Variants in RIMBP2 observed in about 807,000 individuals in gnomAD.
RIMBP2 encodes RIMS binding protein 2.
RIMBP2 carries 48 observed loss-of-function variants against 118.6 expected under a neutral mutation model. The observed-to-expected ratio is 0.40, with a 90% confidence interval of 0.32 to 0.51. RIMBP2 has a LOEUF of 0.51. Among genes scored for constraint, RIMBP2 ranks in the 20% least tolerant of loss-of-function variants. The probability of loss-of-function intolerance (pLI) is 0.41; values close to 1 mark genes in which losing one functional copy is unlikely to be tolerated. For missense variants in RIMBP2, 1,551 were observed against 1,768.3 expected (o/e 0.88, Z 2.20); for synonymous variants, 762 against 742.9 (o/e 1.03, Z -0.42).
At chr12:130,696,504 A>G (rs528027579) in intron 1 of RIMBP2, among the ~76,000 whole-genome samples, 3 of 152,376 alleles carry the variant, frequency 2.0e-5, no homozygotes, top group Admixed American at 2.0e-4. Flanking sequence ...TTAAATGTAA[A>G]GTAACAATTA....
chr12:130,450,345 C>T lies in RIMBP2; in HGVS notation c.505-69G>A, dbSNP rs1036694402. The T allele has an allele frequency of 5.0e-5, 61 of 1,216,824 alleles. No individual in the cohort carries two copies. Among genetic ancestry groups the T allele is most frequent in the South Asian group, 1.0e-4 (8 of 78,138 alleles). The allele number at this position is 1,216,824 out of a possible 1,614,324, so 75.4% of individuals were successfully genotyped here. A position where few individuals can be genotyped will look rare whatever the true frequency, so the allele number is the denominator to read the frequency against. ...TGTCCCACCCCATTCCCGCGGCACA[C>T]GGGAAAGCCCCTCGCAGCTTCCTGG... On this transcript the variant is annotated intron_variant, in intron 8 of 22. Transcript: ENST00000690449. This position sits in a 1 kb window ranked among gnomAD's most constrained non-coding sequence, Gnocchi z 4.8.
intron 21 of RIMBP2, among the ~76,000 whole-genome samples, chr12:130,404,547 G>T (rs910384524): frequency 2.6e-5 from 4 of 152,134 alleles, no homozygotes; most frequent in Admixed American, 6.5e-5. Flanking sequence ...TGATCAGCAC[G>T]CCTCAGCCTC....
In RIMBP2 at chr12:130,523,372, G is replaced by A. The variant is rs1390788217; in HGVS notation, c.-216-5455C>T. 6.6e-6 allele frequency among the ~76,000 whole-genome samples: 1 copy of A among 152,174 alleles called. No individual in the cohort carries two copies. Among genetic ancestry groups the A allele is most frequent in the Non-Finnish European group, 1.5e-5 (1 of 68,032 alleles). On this transcript the variant is annotated intron_variant, in intron 2 of 22. Coordinates refer to ENST00000690449, the MANE Select transcript of RIMBP2 (RefSeq NM_001393629.1). This position sits in a 1 kb window ranked among gnomAD's most constrained non-coding sequence, Gnocchi z 4.4. ...TCCAGCCTCCAGGACTGAGAGAGAG[G>A]AGAGCTCTGTCATTTAAGCTGCCCG...
At chr12:130,611,262 G>C (rs957348367) in intron 2 of RIMBP2, among the ~76,000 whole-genome samples, 4 of 152,128 alleles carry the variant, frequency 2.6e-5, no homozygotes, top group Admixed American at 2.6e-4. Context: ...CTGTCCCCAC[G>C]TCCCCCAGAC....
chr12:130,586,836 A>G (rs1378531431), intron 2 of RIMBP2, among the ~76,000 whole-genome samples: 58 of 95,934 alleles, frequency 6.0e-4, no homozygotes, highest in African/African-American at 2.4e-3. Flanking sequence ...ATGGGATCTA[A>G]TTAAACTAAA....
At chr12:130,638,294 C>T (rs969631542) in intron 1 of RIMBP2, among the ~76,000 whole-genome samples, 5 of 152,206 alleles carry the variant, frequency 3.3e-5, no homozygotes, top group African/African-American at 1.2e-4. Flanking sequence ...AATAACTCAA[C>T]ACTTTTAAAA....
chr12:130,456,520 C>T lies in RIMBP2; in HGVS notation c.334G>A (p.Gly112Ser). The change falls in exon 7 of 23, where the codon GGC (glycine) becomes AGC (serine). Residue 112 changes from glycine (G) to serine (S), a missense_variant. Gly to Ser is a moderately conservative substitution (Grantham distance 56). Coordinates refer to ENST00000690449, the MANE Select transcript of RIMBP2 (RefSeq NM_001393629.1). ...PSKPFPQFMNGLATSLGKGQE... is the reference protein window; with the variant it reads ...PSKPFPQFMNSLATSLGKGQE... ...CCTTTGCCGAGGGAGGTGGCTAGGC[C>T]ATTCATGAACTGTGGGAAAGGCTTG... 1 of 1,598,992 alleles carries T rather than the reference C, an allele frequency of 6.3e-7. No homozygotes were observed. The highest frequency in any genetic ancestry group is 1.1e-5 in the South Asian group (1 of 90,148).
chr12:130,454,035 C>A (rs1193746358), intron 7 of RIMBP2, among the ~76,000 whole-genome samples: 1 of 152,104 alleles, frequency 6.6e-6, no homozygotes, highest in Non-Finnish European at 1.5e-5. Context: ...GCCTGGGCGA[C>A]AGAGCGAGAC....
chr12:130,703,876 A>G lies in RIMBP2; in HGVS notation c.-352+12346T>C, dbSNP rs1334689496. 2.6e-5 allele frequency among the ~76,000 whole-genome samples: 4 copies of G among 152,056 alleles called. No homozygotes were observed. The highest frequency in any genetic ancestry group is 9.7e-5 in the African/African-American group (4 of 41,404). ...GAGGGAACCCTGAGCCTGAGCCTGAACGCAGCGCAGAGGTCTGGGGCCCGA... is the reference window on the plus strand; with the variant it reads ...GAGGGAACCCTGAGCCTGAGCCTGAGCGCAGCGCAGAGGTCTGGGGCCCGA... On this transcript the variant is annotated intron_variant, in intron 1 of 22. Coordinates refer to ENST00000690449, the MANE Select transcript of RIMBP2 (RefSeq NM_001393629.1). This position sits in a 1 kb window ranked among gnomAD's most constrained non-coding sequence, Gnocchi z 5.7.
intron 2 of RIMBP2, among the ~76,000 whole-genome samples, chr12:130,526,283 TC>T (rs35322554): frequency 0.11 from 16,129 of 152,214 alleles, 931 homozygotes; most frequent in East Asian, 0.16. Flanking sequence ...TTGTGGGCCC[TC>T]CTGTGCCGGC....
intron 7 of RIMBP2, 41 bp downstream of exon 7, chr12:130,456,455 C>T (rs1200231838): frequency 6.6e-7 from 1 of 1,515,550 alleles, no homozygotes; most frequent in African/African-American, 1.4e-5. Flanking sequence ...AACGGCCATT[C>T]TCTCCCCACC....
intron 1 of RIMBP2, among the ~76,000 whole-genome samples, chr12:130,675,986 C>T (rs908080712): frequency 1.9e-4 from 29 of 152,204 alleles, no homozygotes; most frequent in African/African-American, 4.8e-5. Context: ...GGCATTAGCG[C>T]GCCATAAGGG....
At chr12:130,407,670 GAGGGA>G in intron 20 of RIMBP2, 51 bp downstream of exon 20, 2 of 1,372,612 alleles carry the variant, frequency 1.5e-6, no homozygotes, top group Non-Finnish European at 2.1e-6. Flanking sequence ...GGTGTACCAC[GAGGGA>G]AGGGAAGGGT....
Position 130,424,275 on chromosome 12 carries a change from C to T in RIMBP2, c.2996G>A (p.Arg999Lys). ...GGTGGGCTCGCCCCAGCCGTGCTTC[C>T]TGGGGGGCGGCCTCTCCGGGCCGGG... is the stretch of plus-strand genomic sequence containing the variant. Reference protein sequence around the residue: ...PQPGPERPPPRKHGWGEPTEH... With the variant: ...PQPGPERPPPKKHGWGEPTEH... Residue 999 changes from arginine to lysine, a missense_variant, in exon 16 of 23, where the codon AGG becomes AAG. This residue lies in a region of RIMBP2 where 1,038 missense variants were observed against 1,125.1 expected (regional missense o/e 0.92). Coordinates refer to ENST00000690449, the MANE Select transcript of RIMBP2 (RefSeq NM_001393629.1). This position sits in a 1 kb window ranked among gnomAD's most constrained non-coding sequence, Gnocchi z 9.8. The T allele has an allele frequency of 1.6e-6, 2 of 1,231,870 alleles. No individual in the cohort carries two copies. Among genetic ancestry groups the T allele is most frequent in the Non-Finnish European group, 2.0e-6 (2 of 987,890 alleles). The allele number at this position is 1,231,870 out of a possible 1,614,324, so 76.3% of individuals were successfully genotyped here.
At chr12:130,423,722 A>G (rs529558930) in intron 16 of RIMBP2, among the ~76,000 whole-genome samples, 25 of 149,880 alleles carry the variant, frequency 1.7e-4, no homozygotes, top group African/African-American at 6.1e-4. Context: ...TAAATGTCAG[A>G]AAGCAATGAA....
At chr12:130,646,395 C>CCACCTGCCTCAT (rs1566423386) in intron 1 of RIMBP2, among the ~76,000 whole-genome samples, 7 of 128,678 alleles carry the variant, frequency 5.4e-5, no homozygotes, top group Non-Finnish European at 1.0e-4. Context: ...ACCTCCCTCA[C>CCACCTGCCTCAT]CACCTGCCTC....
chr12:130,657,966 C>G (rs1334758191), intron 1 of RIMBP2: 1 of 152,284 alleles, frequency 6.6e-6, no homozygotes, highest in Admixed American at 6.5e-5. Flanking sequence ...CGGCTGGACA[C>G]AAGGCAAACC....
At chr12:130,711,867 C>T (rs182934415) in intron 1 of RIMBP2, among the ~76,000 whole-genome samples, 36 of 152,328 alleles carry the variant, frequency 2.4e-4, no homozygotes, top group South Asian at 8.3e-4. Flanking sequence ...CACACACGCC[C>T]GGGCCGCACA....
At chr12:130,488,283 T>C (rs569726453) in intron 4 of RIMBP2, among the ~76,000 whole-genome samples, 1 of 151,522 alleles carries the variant, frequency 6.6e-6, no homozygotes, top group Non-Finnish European at 1.5e-5. Flanking sequence ...CTCTCGGAGA[T>C]GGGCTTTGAG....
Sources: gnomAD v4.1 joint callset for allele counts (sites outside exome capture counted in the v4.1 genomes callset) on GRCh38, gnomAD v4.1.1 for gene constraint, gnomAD v4.1.1 regional missense constraint, Gnocchi (gnomAD v3.1) non-coding constraint, MANE v1.5 for transcripts, NCBI Gene and HGNC (gene_info 2026-07-23, HGNC 2026-07-21) for gene names.